The following COL22A1 variants were observed in gnomAD, a reference collection of about 807,000 sequenced individuals.
COL22A1 encodes the protein collagen type XXII alpha 1 chain, also known as collagen alpha-1(XXII) chain.
A neutral mutation model predicts 248.9 loss-of-function variants in COL22A1; 221 were observed. The ratio of observed to expected loss-of-function variants is 0.89; its 90% CI spans 0.80 to 0.99. The LOEUF (loss-of-function observed/expected upper bound fraction) is 0.99, where lower values mean the gene tolerates loss of function less well. Among genes scored for constraint, COL22A1 ranks in the 50% least tolerant of loss-of-function variants. The probability of loss-of-function intolerance (pLI) is 0.00; values close to 1 mark genes in which losing one functional copy is unlikely to be tolerated. For synonymous variants in COL22A1, 891 were observed against 793.4 expected, an observed-to-expected ratio of 1.12 and a Z score of -2.07; for missense variants, 2,240 against 2,179.0, an observed-to-expected ratio of 1.03 and a Z score of -0.56.
At chr8:138,831,781 C>T (rs1246019740) in intron 5 of COL22A1, among the ~76,000 whole-genome samples, 1 of 101,184 alleles carries the variant, frequency 9.9e-6, no homozygotes, top group Admixed American at 1.1e-4. Context: ...TTACTAAGAA[C>T]ACTGGAGGAA....
At chr8:138,706,304 A>C (rs1453343641) in intron 30 of COL22A1, among the ~76,000 whole-genome samples, 5 of 152,186 alleles carry the variant, frequency 3.3e-5, no homozygotes, top group Admixed American at 2.6e-4. Flanking sequence ...ACATCTACAG[A>C]ACTCTCCACC....
intron 39 of COL22A1, among the ~76,000 whole-genome samples, chr8:138,680,345 G>C (rs1288771551): frequency 2.6e-5 from 4 of 152,190 alleles, no homozygotes; most frequent in Non-Finnish European, 5.9e-5. Flanking sequence ...ATACGGAAAA[G>C]GAACTGAGGC....
intron 36 of COL22A1, among the ~76,000 whole-genome samples, chr8:138,689,682 C>A (rs1004602257): frequency 6.6e-6 from 1 of 151,950 alleles, no homozygotes; most frequent in African/African-American, 2.4e-5. Context: ...GCCACTGCAC[C>A]CCAGCCTGGG....
intron 4 of COL22A1, among the ~76,000 whole-genome samples, chr8:138,838,271 G>A (rs1433983731): frequency 6.6e-6 from 1 of 152,130 alleles, no homozygotes; most frequent in Non-Finnish European, 1.5e-5. Flanking sequence ...AGGCTCATGG[G>A]GAGTGAGGGC....
At chr8:138,688,307 G>A (rs1298793423) in intron 37 of COL22A1, among the ~76,000 whole-genome samples, 5 of 152,002 alleles carry the variant, frequency 3.3e-5, no homozygotes, top group African/African-American at 9.7e-5. Context: ...GATCACTTGA[G>A]TCCAGGAGTT....
chr8:138,860,468 T>G (rs1163960369), intron 3 of COL22A1, among the ~76,000 whole-genome samples: 1 of 152,178 alleles, frequency 6.6e-6, no homozygotes, highest in African/African-American at 2.4e-5. Flanking sequence ...AAGCTTTATT[T>G]AAATTTTCTA....
intron 54 of COL22A1, 66 bp downstream of exon 54, chr8:138,616,848 T>A: frequency 6.3e-7 from 1 of 1,581,756 alleles, no homozygotes; most frequent in Non-Finnish European, 8.7e-7. Context: ...GCTGCAAGTA[T>A]CTTCTGTCTG....
chr8:138,683,991 T>A (rs184552147), intron 39 of COL22A1, among the ~76,000 whole-genome samples: 2 of 152,228 alleles, frequency 1.3e-5, no homozygotes, highest in Non-Finnish European at 2.9e-5. Context: ...TGGTTCTATC[T>A]TCTCTCACAC....
chr8:138,751,388 G>A (rs1279016732), intron 22 of COL22A1, 70 bp downstream of exon 22: 2 of 1,070,862 alleles, frequency 1.9e-6, no homozygotes, highest in Non-Finnish European at 2.8e-6. Context: ...TATCTTCTCT[G>A]CATGGCATTA....
At chr8:138,755,565 C>A (rs1391473540) in intron 19 of COL22A1, 54 bp from the exon 20 acceptor site, 1 of 1,586,548 alleles carries the variant, frequency 6.3e-7, no homozygotes, top group East Asian at 2.2e-5. Context: ...CAACCACAGT[C>A]AACCTCTCTC....
At chr8:138,677,673 T>G (rs1208753101) in intron 40 of COL22A1, among the ~76,000 whole-genome samples, 1 of 152,262 alleles carries the variant, frequency 6.6e-6, no homozygotes, top group Non-Finnish European at 1.5e-5. Context: ...ATGTGCTTGA[T>G]TAGGGGTGTT....
chr8:138,798,833 T>C (rs565482554), intron 11 of COL22A1, among the ~76,000 whole-genome samples: 1 of 152,310 alleles, frequency 6.6e-6, no homozygotes, highest in South Asian at 2.1e-4. Flanking sequence ...TTTGTGTTTA[T>C]CTTAATTGGG....
intron 58 of COL22A1, among the ~76,000 whole-genome samples, chr8:138,605,508 C>T (rs549630797): frequency 2.6e-5 from 4 of 152,236 alleles, no homozygotes; most frequent in African/African-American, 9.6e-5. Context: ...TGAATGGGAC[C>T]GTGCAAAGCC....
At chr8:138,657,310 C>T (rs1476914737) in intron 44 of COL22A1, among the ~76,000 whole-genome samples, 2 of 152,140 alleles carry the variant, frequency 1.3e-5, no homozygotes, top group African/African-American at 4.8e-5. Flanking sequence ...ATTTTCAGGC[C>T]GTATATGTTT....
At position 138,652,574 on chromosome 8, in the gene COL22A1, A is replaced by G. The variant is rs146066694; in HGVS notation, c.3334-2796T>C. Reference sequence around the variant, plus strand: ...TCTATTTCCTCACCTGTAAAAAAGGATCATTCTCCTACTTTAGGAGATTGT... The same window carrying G: ...TCTATTTCCTCACCTGTAAAAAAGGGTCATTCTCCTACTTTAGGAGATTGT... On this transcript the variant is annotated intron_variant, in intron 45 of 64. Transcript: ENST00000303045. 5.0e-3 allele frequency among the ~76,000 whole-genome samples: 761 copies of G among 152,196 alleles called. 2 individuals carry two copies. Among genetic ancestry groups the G allele is most frequent in the Non-Finnish European group, 8.1e-3 (553 of 68,004 alleles).
At chr8:138,707,595 G>A (rs1361357443) in intron 30 of COL22A1, among the ~76,000 whole-genome samples, 1 of 152,156 alleles carries the variant, frequency 6.6e-6, no homozygotes. Context: ...AACGCTTCAT[G>A]CTAAAACTCT....
At chr8:138,644,597 C>G (rs1183738153) in intron 47 of COL22A1, among the ~76,000 whole-genome samples, 1 of 152,166 alleles carries the variant, frequency 6.6e-6, no homozygotes, top group African/African-American at 2.4e-5. Context: ...TAGTCAAAAG[C>G]TTTCATGTCT....
rs186810107 is a variant in COL22A1, at chr8:138,793,074, G to A, written c.1596+3745C>T. Among the ~76,000 whole-genome samples, 54 of 152,312 alleles carry A rather than the reference G, an allele frequency of 3.5e-4. 1 individual carries two copies. Among genetic ancestry groups the A allele is most frequent in the African/African-American group, 8.4e-4 (35 of 41,560 alleles). On this transcript the variant is annotated intron_variant, in intron 12 of 64. Transcript: ENST00000303045. ...CATGCAGAAGCCAATGCACATTGCC[G>A]CAGTGGTTAATTACAATTCCAAATA...
At chr8:138,883,375 C>G (rs111599735) in intron 1 of COL22A1, 131 bp from the exon 2 acceptor site, 1 of 589,426 alleles carries the variant, frequency 1.7e-6, no homozygotes, top group Non-Finnish European at 3.0e-6. Context: ...GATTCAACTC[C>G]AGGCAGCGAA....
Sources: gnomAD v4.1 joint callset for allele counts (sites outside exome capture counted in the v4.1 genomes callset) on GRCh38, gnomAD v4.1.1 for gene constraint, MANE v1.5 for transcripts, NCBI Gene and HGNC (gene_info 2026-07-23, HGNC 2026-07-21) for gene names.